Variants in FBXL7 observed in about 807,000 individuals in gnomAD.
The protein encoded by FBXL7 is F-box and leucine rich repeat protein 7, also known as F-box/LRR-repeat protein 7.
FBXL7 carries 12 observed loss-of-function variants against 38.3 expected under a neutral mutation model. That is an observed-to-expected ratio of 0.31 (90% CI 0.20 to 0.51). FBXL7 has a LOEUF of 0.51. Ranked by LOEUF, FBXL7 falls within the 20% of genes least tolerant of loss-of-function variation. The pLI is 0.98. For synonymous variants in FBXL7, 297 were observed against 300.9 expected, an observed-to-expected ratio of 0.99 and a Z score of 0.13; for missense variants, 567 against 676.4, an observed-to-expected ratio of 0.84 and a Z score of 1.79.
chr5:15,834,487 T>A (rs1738536892), intron 2 of FBXL7, among the ~76,000 whole-genome samples: 1 of 152,218 alleles, frequency 6.6e-6, no homozygotes, highest in Non-Finnish European at 1.5e-5. Flanking sequence ...AAGGGTCATG[T>A]TTTTAAACTT....
At chr5:15,580,550 A>G in intron 1 of FBXL7, 1 of 886,630 alleles carries the variant, frequency 1.1e-6, no homozygotes, top group African/African-American at 1.8e-5. Flanking sequence ...TAAGCAAACC[A>G]AGAAGCCACT....
chr5:15,579,321 G>A (rs1446188074), intron 1 of FBXL7, among the ~76,000 whole-genome samples: 1 of 152,144 alleles, frequency 6.6e-6, no homozygotes, highest in African/African-American at 2.4e-5. Context: ...ATGTATTACT[G>A]TTGGGCTCTG....
intron 2 of FBXL7, among the ~76,000 whole-genome samples, chr5:15,926,141 G>A (rs1741870995): frequency 6.6e-6 from 1 of 152,028 alleles, no homozygotes; most frequent in South Asian, 2.1e-4. Flanking sequence ...AAACCCCATA[G>A]TAAGCTGGGG....
chr5:15,627,190 T>C (rs971923134), intron 2 of FBXL7, among the ~76,000 whole-genome samples: 1 of 152,200 alleles, frequency 6.6e-6, no homozygotes, highest in Non-Finnish European at 1.5e-5. Flanking sequence ...GATCCACTAC[T>C]TCCAGAACTG....
intron 2 of FBXL7, among the ~76,000 whole-genome samples, chr5:15,831,864 C>G (rs962629682): frequency 6.6e-6 from 1 of 152,088 alleles, no homozygotes; most frequent in African/African-American, 2.4e-5. Context: ...CAGGTTGTGA[C>G]TTGCCCCTTT....
intron 2 of FBXL7, among the ~76,000 whole-genome samples, chr5:15,883,068 C>G (rs1215039743): frequency 6.6e-6 from 1 of 152,132 alleles, no homozygotes; most frequent in Non-Finnish European, 1.5e-5. Context: ...CAACTCCCAA[C>G]TGTTAAAAAT....
intron 1 of FBXL7, among the ~76,000 whole-genome samples, chr5:15,557,475 T>C (rs1207758727): frequency 1.3e-5 from 2 of 152,226 alleles, no homozygotes; most frequent in African/African-American, 4.8e-5. Flanking sequence ...TAATGTGATA[T>C]CCTATGGCAT....
At chr5:15,638,395 G>T (rs758019015) in intron 2 of FBXL7, among the ~76,000 whole-genome samples, 12 of 152,160 alleles carry the variant, frequency 7.9e-5, no homozygotes, top group Non-Finnish European at 1.8e-4. Flanking sequence ...GTGGGATCTG[G>T]GATCAGCAGC....
chr5:15,814,474 T>G (rs1056414730), intron 2 of FBXL7, among the ~76,000 whole-genome samples: 5 of 152,060 alleles, frequency 3.3e-5, no homozygotes, highest in Admixed American at 2.6e-4. Context: ...ATACCTAATG[T>G]AAAATATGGG....
rs1742587810 is a variant in FBXL7, at chr5:15,674,507, AT to A, written c.127+58437del. 2.0e-5 allele frequency among the ~76,000 whole-genome samples: 3 copies of A among 152,342 alleles called. No homozygotes were observed. In the East Asian group the frequency reaches 5.8e-4, roughly 29 times the overall value. On this transcript the variant is annotated intron_variant, in intron 2 of 3. Coordinates refer to ENST00000504595, the MANE Select transcript of FBXL7 (RefSeq NM_012304.5). ...CAACCAGGTTGGCTATAGGGTTTCT[AT>A]TCAGAATGCAAACTCGCGTTATGAA... is the stretch of plus-strand genomic sequence containing the variant.
intron 2 of FBXL7, among the ~76,000 whole-genome samples, chr5:15,895,485 A>G (rs1277722750): frequency 6.6e-6 from 1 of 152,154 alleles, no homozygotes; most frequent in Non-Finnish European, 1.5e-5. Context: ...TTAAAATATC[A>G]TAAGTAAAGA....
At chr5:15,888,299 C>T (rs1402644682) in intron 2 of FBXL7, among the ~76,000 whole-genome samples, 1 of 151,908 alleles carries the variant, frequency 6.6e-6, no homozygotes, top group Admixed American at 6.6e-5. Context: ...GCAATCTCGG[C>T]TCACTGCAAC....
rs375173178 is a variant in FBXL7 at position 15,774,413 on chromosome 5, T to TG, written c.128-153470dup. ...AGACATAGACATCTTTGGTGGAGGG[T>TG]GGGGGGGCTACCATATATATTGATG... On this transcript the variant is annotated intron_variant, in intron 2 of 3. Transcript: ENST00000504595. 2.1e-3 allele frequency among the ~76,000 whole-genome samples: 325 copies of TG among 151,960 alleles called. 2 individuals are homozygous for TG. The highest frequency in any genetic ancestry group is 7.2e-3 in the African/African-American group (300 of 41,432).
At chr5:15,932,788 GC>G (rs760038040) in intron 3 of FBXL7, among the ~76,000 whole-genome samples, 21 of 152,082 alleles carry the variant, frequency 1.4e-4, no homozygotes, top group Middle Eastern at 6.8e-3. Flanking sequence ...TCTTTCAAGG[GC>G]CCCTTTGGAA....
intron 2 of FBXL7, among the ~76,000 whole-genome samples, chr5:15,917,644 G>GGGAGGGAAGGAAGGAA (rs1303146282): frequency 3.3e-4 from 30 of 91,016 alleles, no homozygotes; most frequent in African/African-American, 1.1e-3. Flanking sequence ...AAGGAAGGGA[G>GGGAGGGAAGGAAGGAA]GGAAGGAAGG....
chr5:15,844,074 A>C (rs1295013414), intron 2 of FBXL7, among the ~76,000 whole-genome samples: 6 of 152,134 alleles, frequency 3.9e-5, no homozygotes, highest in Admixed American at 3.9e-4. Flanking sequence ...AACTGCCTGA[A>C]GACGCTACTC....
chr5:15,615,044 G>A (rs1740398768), intron 1 of FBXL7, among the ~76,000 whole-genome samples: 1 of 152,194 alleles, frequency 6.6e-6, no homozygotes, highest in Non-Finnish European at 1.5e-5. Context: ...AGGAGATGAT[G>A]CGGACATGGA....
At chr5:15,559,619 A>C (rs967594568) in intron 1 of FBXL7, among the ~76,000 whole-genome samples, 2 of 152,194 alleles carry the variant, frequency 1.3e-5, no homozygotes, top group Non-Finnish European at 2.9e-5. Context: ...CAAGGGACAA[A>C]AAAAGTTATT....
At chr5:15,539,525 T>C (rs1430712988) in intron 1 of FBXL7, among the ~76,000 whole-genome samples, 1 of 152,198 alleles carries the variant, frequency 6.6e-6, no homozygotes, top group Non-Finnish European at 1.5e-5. Context: ...GCTTGTTTTA[T>C]CTTCCGTAGA....
Sources: gnomAD v4.1 joint callset for allele counts (sites outside exome capture counted in the v4.1 genomes callset) on GRCh38, gnomAD v4.1.1 for gene constraint, MANE v1.5 for transcripts, NCBI Gene and HGNC (gene_info 2026-07-23, HGNC 2026-07-21) for gene names.